ANKRD13C: variants seen among roughly 807,000 people sequenced by gnomAD.
ANKRD13C encodes ankyrin repeat domain-containing protein 13C.
In ANKRD13C, 16 loss-of-function variants were observed where a neutral mutation model predicts 65.5. The observed-to-expected ratio is 0.24, with a 90% CI of 0.17 to 0.37. The LOEUF is 0.37. Ranked by LOEUF, ANKRD13C falls within the 10% of genes least tolerant of loss-of-function variation. The pLI is 1.00. For synonymous variants in ANKRD13C, 235 were observed against 238.7 expected (o/e 0.98, Z 0.14); for missense variants, 503 against 655.9 (o/e 0.77, Z 2.55).
intron 9 of ANKRD13C, among the ~76,000 whole-genome samples, chr1:70,284,831 A>G (rs894800092): frequency 3.3e-5 from 5 of 152,206 alleles, no homozygotes; most frequent in Admixed American, 2.6e-4. Flanking sequence ...GCCAATATCA[A>G]TAAGAAAGAA....
intron 11 of ANKRD13C, among the ~76,000 whole-genome samples, chr1:70,273,065 T>C (rs1448173108): frequency 1.3e-5 from 2 of 152,034 alleles, no homozygotes; most frequent in Non-Finnish European, 2.9e-5. Flanking sequence ...AACTGGGTCC[T>C]AGATATGACA....
At position 70,292,556 on chromosome 1, in the gene ANKRD13C, C is replaced by T; in HGVS notation, c.1054-7G>A. 1.3e-6 allele frequency: 2 copies of T among 1,575,168 alleles called. No individual in the cohort carries two copies. The highest frequency in any genetic ancestry group is 1.2e-5 in the South Asian group (1 of 82,190). On this transcript the variant is annotated splice_region_variant and splice_polypyrimidine_tract_variant and intron_variant, in intron 8 of 12. Transcript: ENST00000370944. Reference sequence around the variant, plus strand: ...AAAAGTTTCCTACTCTTTCCTAAAACAAAACCAAATATTTAAAAGTAAAAT... The same window carrying T: ...AAAAGTTTCCTACTCTTTCCTAAAATAAAACCAAATATTTAAAAGTAAAAT...
chr1:70,296,874 G>A (rs745744418), intron 7 of ANKRD13C, among the ~76,000 whole-genome samples: 44 of 152,222 alleles, frequency 2.9e-4, no homozygotes, highest in African/African-American at 8.2e-4. Flanking sequence ...AATATCAACC[G>A]TAATTTCTAA....
At chr1:70,327,849 G>A (rs955952276) in intron 2 of ANKRD13C, among the ~76,000 whole-genome samples, 1 of 152,146 alleles carries the variant, frequency 6.6e-6, no homozygotes, top group Non-Finnish European at 1.5e-5. Context: ...CGGATCATCT[G>A]AGGTCAGGAG....
chr1:70,302,721 G>A (rs1680423082), intron 6 of ANKRD13C, among the ~76,000 whole-genome samples: 2 of 43,490 alleles, frequency 4.6e-5, no homozygotes, highest in Admixed American at 4.9e-4. Context: ...GCGAGACTCC[G>A]TCTCAAAAAA....
chr1:70,334,067 T>C (rs954640792), intron 2 of ANKRD13C, among the ~76,000 whole-genome samples: 4 of 152,204 alleles, frequency 2.6e-5, no homozygotes, highest in Admixed American at 6.5e-5. Context: ...CTCACATCTG[T>C]AATCCCAGTG....
chr1:70,288,761 T>A (rs1484736545), intron 9 of ANKRD13C, among the ~76,000 whole-genome samples: 2 of 152,166 alleles, frequency 1.3e-5, no homozygotes, highest in Non-Finnish European at 2.9e-5. Context: ...GGGCAGCAAA[T>A]GTGCCTATAA....
In ANKRD13C at chr1:70,274,588, C is replaced by G. The variant is rs905692785; in HGVS notation, c.1394+132G>C. On this transcript the variant is annotated intron_variant, in intron 11 of 12. Transcript: ENST00000370944. ...CAGAAAAGTTCTAGAACAGTGCACA[C>G]ACTATCAAGGCAATGGCTATTTGCT... is the stretch of plus-strand genomic sequence containing the variant. The G allele has an allele frequency of 5.9e-6, 4 of 676,920 alleles. No individual in the cohort carries two copies. The East Asian group carries it at 1.0e-4, about 17-fold the overall frequency. 41.9% of individuals were successfully genotyped at this position (676,920 alleles called of 1,614,324 possible). A position where few individuals can be genotyped will look rare whatever the true frequency, so the allele number is the denominator to read the frequency against.
intron 9 of ANKRD13C, among the ~76,000 whole-genome samples, chr1:70,290,945 A>G (rs754071157): frequency 7.2e-5 from 11 of 152,188 alleles, no homozygotes; most frequent in Non-Finnish European, 1.0e-4. Context: ...GGCCCACTAA[A>G]TTAATTTCTT....
At position 70,336,068 on chromosome 1, in the gene ANKRD13C, TA is replaced by T; in HGVS notation, c.461del (p.Leu154Ter). 1 of 818,252 alleles carries T rather than the reference TA, an allele frequency of 1.2e-6. No individual in the cohort carries two copies. The highest frequency in any genetic ancestry group is 1.7e-6 in the Non-Finnish European group (1 of 585,340). 50.7% of individuals were successfully genotyped at this position (818,252 alleles called of 1,614,324 possible). On this transcript the variant is annotated frameshift_variant, in exon 2 of 13. Transcript: ENST00000370944. LOFTEE classifies it high-confidence loss of function. ...AAAATATTTACTAACCTTTATTTCC[TA>T]ACATCACAGCAAGGTGTAAAGGAGT... ...GNTPLHLAVMLGNKECAHLLL... is the reference protein window; with the variant it reads ...GNTPLHLAVMXGNKECAHLLL...
At chr1:70,272,221 T>C (rs1316747799) in intron 11 of ANKRD13C, among the ~76,000 whole-genome samples, 2 of 151,258 alleles carry the variant, frequency 1.3e-5, no homozygotes, top group African/African-American at 4.8e-5. Flanking sequence ...GTATGCTGTG[T>C]TCTCTATTTC....
intron 3 of ANKRD13C, among the ~76,000 whole-genome samples, chr1:70,319,096 C>T (rs1681196624): frequency 6.6e-6 from 1 of 152,164 alleles, no homozygotes; most frequent in Non-Finnish European, 1.5e-5. Flanking sequence ...TATCTCTTGC[C>T]TCCCTGACTC....
chr1:70,342,375 T>C (rs567987058), intron 1 of ANKRD13C, among the ~76,000 whole-genome samples: 2 of 152,104 alleles, frequency 1.3e-5, no homozygotes, highest in Admixed American at 6.6e-5. Context: ...CCATTTCTAC[T>C]AAAAATACAA....
chr1:70,320,300 C>T (rs1422255973), intron 3 of ANKRD13C, among the ~76,000 whole-genome samples: 1 of 151,924 alleles, frequency 6.6e-6, no homozygotes, highest in Admixed American at 6.6e-5. Flanking sequence ...GAAGACGAAA[C>T]TAAAATATAA....
Position 70,259,457 on chromosome 1 carries a change from CTG to C in ANKRD13C, c.*3258_*3259del, listed in dbSNP as rs2101076861. ...GAAAGTATTACTCTTCTAAAATGAA[CTG>C]TAACAATTAAAAAGCTCATCACAAG... is the stretch of plus-strand genomic sequence containing the variant. On this transcript the variant is annotated 3_prime_UTR_variant, in exon 13 of 13. Transcript: ENST00000370944. 6.6e-6 allele frequency among the ~76,000 whole-genome samples: 1 copy of C among 152,228 alleles called. No individual in the cohort carries two copies. The highest frequency in any genetic ancestry group is 1.9e-4 in the East Asian group (1 of 5,182).
At chr1:70,274,670 AG>A (rs1472948833) in intron 11 of ANKRD13C, 49 bp downstream of exon 11, 2 of 1,350,630 alleles carry the variant, frequency 1.5e-6, no homozygotes, top group Non-Finnish European at 1.1e-6. Flanking sequence ...TACAGCCTTT[AG>A]GGTTTAATAG....
At chr1:70,293,572 T>C in intron 8 of ANKRD13C, 5 of 985,202 alleles carry the variant, frequency 5.1e-6, no homozygotes, top group Non-Finnish European at 6.0e-6. Context: ...TAGTACTAGA[T>C]GATTAGCAGT....
intron 7 of ANKRD13C, among the ~76,000 whole-genome samples, chr1:70,298,160 G>T (rs933860270): frequency 6.6e-6 from 1 of 152,050 alleles, no homozygotes; most frequent in Non-Finnish European, 1.5e-5. Context: ...AATATATTAT[G>T]AATCAAGTAG....
At chr1:70,349,287 G>A (rs1040196279) in intron 1 of ANKRD13C, among the ~76,000 whole-genome samples, 1 of 151,914 alleles carries the variant, frequency 6.6e-6, no homozygotes, top group African/African-American at 2.4e-5. Context: ...AGAAAAAAGT[G>A]GTATATAACC....
Sources: allele counts gnomAD v4.1 joint callset (sites outside exome capture counted in the v4.1 genomes callset), GRCh38; gene constraint gnomAD v4.1.1; transcripts MANE v1.5; gene names NCBI Gene and HGNC (gene_info 2026-07-23, HGNC 2026-07-21).